Variants in KALRN observed in about 807,000 individuals in gnomAD.
The protein encoded by KALRN is kalirin RhoGEF kinase, also known as kalirin.
Under a neutral mutation model 353.7 loss-of-function variants are expected in KALRN, and 70 were observed. The ratio of observed to expected loss-of-function variants is 0.20; its 90% CI spans 0.16 to 0.24. The LOEUF (loss-of-function observed/expected upper bound fraction) is 0.24, where lower values mean the gene tolerates loss of function less well. KALRN is among the 10% of genes least tolerant of loss of function. The pLI, the probability that KALRN is intolerant of heterozygous loss-of-function variation, is 1.00. For missense variants in KALRN, 2,791 were observed against 3,756.7 expected (o/e 0.74, Z 6.72); for synonymous variants, 1,391 against 1,434.8 (o/e 0.97, Z 0.69).
At chr3:124,258,671 G>A (rs1437767242) in intron 3 of KALRN, among the ~76,000 whole-genome samples, 1 of 152,192 alleles carries the variant, frequency 6.6e-6, no homozygotes, top group African/African-American at 2.4e-5. Context: ...CACCTACTAT[G>A]TGCCAGGCAC....
Position 124,455,317 on chromosome 3 carries a change from G to T in KALRN, c.3693G>T (p.Lys1231Asn). Residue 1231 changes from lysine (K) to asparagine (N), a missense_variant, in exon 22 of 60, where the codon AAG becomes AAT. This residue lies in a region of KALRN where 268 missense variants were observed against 347.0 expected (regional missense o/e 0.77). Transcript: ENST00000682506. ...GAGATTTCTCCCTGAGGATGGGAAA[G>T]TACCGATACTCACTGGAGAAAGCCC... ...HYRDFSLRMGKYRYSLEKALG... is the reference protein window; with the variant it reads ...HYRDFSLRMGNYRYSLEKALG... 6.2e-7 allele frequency: 1 copy of T among 1,614,158 alleles called. No individual in the cohort carries two copies. The highest frequency in any genetic ancestry group is 8.5e-7 in the Non-Finnish European group (1 of 1,179,994).
chr3:124,118,558 C>G (rs968681408), intron 1 of KALRN, among the ~76,000 whole-genome samples: 2 of 152,166 alleles, frequency 1.3e-5, no homozygotes, highest in Non-Finnish European at 2.9e-5. Flanking sequence ...AGCCCTCTGT[C>G]CCTCACGTGG....
In KALRN at chr3:124,719,002, C is replaced by A. The variant is rs1207358548; in HGVS notation, c.8493C>A (p.Ile2831=). 6.2e-7 allele frequency: 1 copy of A among 1,614,086 alleles called. No individual in the cohort carries two copies. Among genetic ancestry groups the A allele is most frequent in the South Asian group, 1.1e-5 (1 of 91,084 alleles). Residue 2831 remains isoleucine, a synonymous_variant, in exon 60 of 60, where the codon ATC becomes ATA. Coordinates refer to ENST00000682506, the MANE Select transcript of KALRN (RefSeq NM_001388419.1). This position sits in a 1 kb window ranked among gnomAD's most constrained non-coding sequence, Gnocchi z 5.3. ...TTGACTTGGAGGATGCTGTCCAGAT[C>A]TCGGGTCACTTCCACATTCACCACC... ...KLIDLEDAVQ[I]SGHFHIHHLL...
intron 2 of KALRN, among the ~76,000 whole-genome samples, chr3:124,230,627 A>T (rs1430751766): frequency 3.9e-5 from 6 of 152,106 alleles, no homozygotes; most frequent in East Asian, 1.9e-4. Flanking sequence ...CCTGAGTAGG[A>T]CGAAGGGGGC....
chr3:124,242,827 C>T (rs2080653662), intron 3 of KALRN, among the ~76,000 whole-genome samples: 1 of 152,054 alleles, frequency 6.6e-6, no homozygotes, highest in Non-Finnish European at 1.5e-5. Context: ...CACAGTTCCT[C>T]CCCCAGGTGT....
rs1248370098 is a variant in KALRN, at chr3:124,277,416, C to T, written c.969+8161C>T. On this transcript the variant is annotated intron_variant, in intron 5 of 59. Transcript: ENST00000682506. ...AGGGCAAGGAAGTGTGTCTGTATCC[C>T]GCCCCCTGACACAGAACACAGTGTC... Among the ~76,000 whole-genome samples the T allele has an allele frequency of 5.3e-5, 8 of 152,262 alleles. No homozygotes were observed. The East Asian group carries it at 1.4e-3, about 26-fold the overall frequency.
intron 11 of KALRN, among the ~76,000 whole-genome samples, chr3:124,389,081 C>G (rs961927844): frequency 6.6e-6 from 1 of 152,178 alleles, no homozygotes; most frequent in Admixed American, 6.5e-5. Flanking sequence ...GCCTTCGGTA[C>G]TGCTGATAAA....
At chr3:124,553,259 T>A (rs1382791295) in intron 33 of KALRN, among the ~76,000 whole-genome samples, 1 of 152,218 alleles carries the variant, frequency 6.6e-6, no homozygotes, top group Non-Finnish European at 1.5e-5. Flanking sequence ...GATTCCTACT[T>A]TACAGATAAG....
chr3:124,404,964 C>G (rs1013559978), intron 13 of KALRN, among the ~76,000 whole-genome samples: 2 of 152,178 alleles, frequency 1.3e-5, no homozygotes, highest in Non-Finnish European at 2.9e-5. Context: ...AACATTGCAA[C>G]TGTATCAAGA....
At chr3:124,312,605 A>T (rs1302231030) in intron 6 of KALRN, among the ~76,000 whole-genome samples, 1 of 152,270 alleles carries the variant, frequency 6.6e-6, no homozygotes, top group African/African-American at 2.4e-5. Context: ...TGGCCATGAC[A>T]GAGTGTGGAC....
intron 1 of KALRN, among the ~76,000 whole-genome samples, chr3:124,124,472 A>C (rs1380539740): frequency 6.6e-6 from 1 of 152,214 alleles, no homozygotes; most frequent in East Asian, 1.9e-4. Context: ...TTGAAATGAC[A>C]AAAGATTTCT....
In KALRN at chr3:124,722,946, T is replaced by C. The variant is rs2063377567; in HGVS notation, c.*3476T>C. 1 of 152,212 alleles carries C rather than the reference T, an allele frequency of 6.6e-6. No individual in the cohort carries two copies. Among genetic ancestry groups the C allele is most frequent in the Non-Finnish European group, 1.5e-5 (1 of 68,034 alleles). The allele number at this position is 152,212 out of a possible 1,614,324, so 9.4% of individuals were successfully genotyped here. ...AGATCAGGGACAACCCATAATAACT[T>C]TTAAGAAGTATTAATATAATGATTT... On this transcript the variant is annotated 3_prime_UTR_variant, in exon 60 of 60. Coordinates refer to ENST00000682506, the MANE Select transcript of KALRN (RefSeq NM_001388419.1).
intron 33 of KALRN, among the ~76,000 whole-genome samples, chr3:124,528,227 A>T (rs1248653599): frequency 1.3e-5 from 2 of 152,222 alleles, no homozygotes; most frequent in African/African-American, 4.8e-5. Flanking sequence ...GGACAGAGAA[A>T]GTCCCGGTTT....
At chr3:124,664,370 T>TGTGTGTGTGTGTGCGC (rs370394911) in intron 45 of KALRN, among the ~76,000 whole-genome samples, 1 of 129,534 alleles carries the variant, frequency 7.7e-6, no homozygotes, top group Admixed American at 7.5e-5. Flanking sequence ...TGTGTGTGTG[T>TGTGTGTGTGTGTGCGC]GCGCGCGCGC....
intron 10 of KALRN, among the ~76,000 whole-genome samples, chr3:124,378,612 A>G (rs1430108621): frequency 1.3e-5 from 2 of 151,948 alleles, no homozygotes; most frequent in African/African-American, 4.8e-5. Flanking sequence ...TCATCTTTGT[A>G]TATCTGAAAA....
chr3:124,706,372 T>C (rs936085858), intron 57 of KALRN, among the ~76,000 whole-genome samples: 2 of 152,138 alleles, frequency 1.3e-5, no homozygotes, highest in Non-Finnish European at 2.9e-5. Context: ...CCTCCAGAGG[T>C]TGACAGCCAG....
intron 47 of KALRN, among the ~76,000 whole-genome samples, chr3:124,668,043 G>GACACACAC (rs55672121): frequency 0.01 from 1,442 of 138,362 alleles, 23 homozygotes; most frequent in South Asian, 0.014. Flanking sequence ...TGTATATCGA[G>GACACACAC]ACACACACAC....
chr3:124,332,498 T>A (rs967111125), intron 8 of KALRN, among the ~76,000 whole-genome samples: 10 of 152,134 alleles, frequency 6.6e-5, no homozygotes, highest in Non-Finnish European at 1.2e-4. Context: ...GACTCAACAT[T>A]TCTATCAATT....
At chr3:124,687,704 A>G in intron 51 of KALRN, among the ~76,000 whole-genome samples, 1 of 151,178 alleles carries the variant, frequency 6.6e-6, no homozygotes, top group Non-Finnish European at 1.5e-5. Context: ...TGCTACTTAC[A>G]AAGCAAACCT....
Sources: allele counts gnomAD v4.1 joint callset (sites outside exome capture counted in the v4.1 genomes callset), GRCh38; gene constraint gnomAD v4.1.1; regional missense constraint gnomAD v4.1.1; non-coding constraint Gnocchi (gnomAD v3.1); transcripts MANE v1.5; gene names NCBI Gene and HGNC (gene_info 2026-07-23, HGNC 2026-07-21).